CNOT1: variants seen among roughly 807,000 people sequenced by gnomAD.
CNOT1 encodes CCR4-associated factor 1.
CNOT1 carries 15 observed loss-of-function variants against 273.8 expected under a neutral mutation model. That is an observed-to-expected ratio of 0.05 (90% CI 0.04 to 0.08). The LOEUF is 0.08. CNOT1 is among the 10% of genes least tolerant of loss of function. The pLI is 1.00. For missense variants in CNOT1, 1,644 were observed against 2,912.2 expected (o/e 0.56, Z 10.02); for synonymous variants, 1,022 against 1,005.5 (o/e 1.02, Z -0.31).
chr16:58,580,510 G>A (rs1294732945), intron 12 of CNOT1, 123 bp downstream of exon 12: 1 of 1,386,832 alleles, frequency 7.2e-7, no homozygotes, highest in Non-Finnish European at 9.4e-7. Context: ...CTTAAGATAA[G>A]TAAGGTCACT....
At chr16:58,628,934 C>G (rs11862943) in intron 1 of CNOT1, among the ~76,000 whole-genome samples, 1 of 152,208 alleles carries the variant, frequency 6.6e-6, no homozygotes, top group African/African-American at 2.4e-5. Flanking sequence ...CTCTACAAGA[C>G]CTGCCGTGGA....
Position 58,546,303 on chromosome 16 carries a change from AC to A in CNOT1, c.4006+17del. ...TCCTAGCTAACAGAAGCCTTCCTTGACTAATTAGCACACTTACTTGTGGTTG... is the reference window on the plus strand; with the variant it reads ...TCCTAGCTAACAGAAGCCTTCCTTGATAATTAGCACACTTACTTGTGGTTG... On this transcript the variant is annotated intron_variant, in intron 29 of 48. Transcript: ENST00000317147. 6.2e-7 allele frequency: 1 copy of A among 1,604,232 alleles called. No homozygotes were observed. Among genetic ancestry groups the A allele is most frequent in the Non-Finnish European group, 8.5e-7 (1 of 1,172,566 alleles).
chr16:58,521,076 T>C lies in CNOT1; in HGVS notation c.7053-40A>G, dbSNP rs1366225495. The C allele has an allele frequency of 1.9e-6, 3 of 1,613,642 alleles. No homozygotes were observed. The African/African-American group carries it at 4.0e-5, about 22-fold the overall frequency. ...CAGTTACAAATCTCTGATTAAAGAG[T>C]AGGCCTAACAATACCTTGCATCTCA... On this transcript the variant is annotated intron_variant, in intron 48 of 48. Transcript: ENST00000317147.
chr16:58,555,612 A>C, intron 20 of CNOT1, 75 bp from the exon 21 acceptor site: 5 of 1,554,482 alleles, frequency 3.2e-6, no homozygotes, highest in South Asian at 1.3e-5. Context: ...TATGCTTAAC[A>C]AAAGACTATT....
intron 17 of CNOT1, among the ~76,000 whole-genome samples, chr16:58,559,223 A>C (rs779101071): frequency 6.6e-6 from 1 of 152,162 alleles, no homozygotes; most frequent in Non-Finnish European, 1.5e-5. Context: ...ATTTTGGAGC[A>C]TTTTGGATTT....
intron 3 of CNOT1, among the ~76,000 whole-genome samples, chr16:58,588,125 CCTCT>C (rs924199533): frequency 2.0e-5 from 3 of 152,018 alleles, no homozygotes; most frequent in Non-Finnish European, 4.4e-5. Context: ...ATGGTAAAAC[CCTCT>C]CTCTACTAAA....
In CNOT1 at chr16:58,538,161, C is replaced by T. The variant is rs781409507; in HGVS notation, c.5241G>A (p.Ala1747=). The T allele has an allele frequency of 2.9e-5, 45 of 1,577,408 alleles. No individual in the cohort carries two copies. Among genetic ancestry groups the T allele is most frequent in the East Asian group, 2.7e-4 (12 of 44,734 alleles). ...VNMQQYDLHL[A]QSMENGLNYM... The stretch of plus-strand genomic sequence containing the variant: ...TGCAAGTAAATTCCTTCCATACCTG[C>T]GCTAGGTGAAGATCATACTGCTGCA... The change falls in exon 37 of 49, where the codon GCG becomes GCA. Residue 1747 remains alanine, a synonymous_variant. Transcript: ENST00000317147.
intron 12 of CNOT1, among the ~76,000 whole-genome samples, 199 bp downstream of exon 12, chr16:58,580,434 C>T (rs1164762626): frequency 6.6e-6 from 1 of 152,006 alleles, no homozygotes; most frequent in African/African-American, 2.4e-5. Flanking sequence ...TAAAGACAGA[C>T]CTTACAAGAT....
At chr16:58,532,623 T>C (rs148419999) in intron 40 of CNOT1, 12 of 646,384 alleles carry the variant, frequency 1.9e-5, no homozygotes, top group Non-Finnish European at 2.6e-5. Context: ...GGACCACACC[T>C]GAATATTCTC....
chr16:58,521,252 T>C lies in CNOT1; in HGVS notation c.6983A>G (p.Glu2328Gly), dbSNP rs2039357202. 6.2e-7 allele frequency: 1 copy of C among 1,613,966 alleles called. No individual in the cohort carries two copies. Among genetic ancestry groups the C allele is most frequent in the Non-Finnish European group, 8.5e-7 (1 of 1,180,000 alleles). Residue 2328 changes from glutamate to glycine, a missense_variant, in exon 48 of 49, where the codon GAG becomes GGG. This residue lies in a region of CNOT1 where 140 missense variants were observed against 324.6 expected (regional missense o/e 0.43). Coordinates refer to ENST00000317147, the MANE Select transcript of CNOT1 (RefSeq NM_016284.5). ...HPWGLLITFI[E>G]LIKNPAFKFW... ...CTTAAACGCTGGGTTTTTAATCAGC[T>C]CAATGAAGGTAATAAGAAGACCCCA...
intron 44 of CNOT1, among the ~76,000 whole-genome samples, chr16:58,526,964 G>A (rs1199930940): frequency 6.6e-6 from 1 of 152,196 alleles, no homozygotes; most frequent in Non-Finnish European, 1.5e-5. Flanking sequence ...ACAGGAGCCT[G>A]AGGCTGAAGT....
At chr16:58,544,593 G>A (rs1052357290) in intron 30 of CNOT1, among the ~76,000 whole-genome samples, 1 of 152,150 alleles carries the variant, frequency 6.6e-6, no homozygotes, top group African/African-American at 2.4e-5. Context: ...TAGGAGTGGG[G>A]ATGGGGGGAC....
At chr16:58,579,303 A>G (rs1204745669) in intron 12 of CNOT1, among the ~76,000 whole-genome samples, 4 of 152,216 alleles carry the variant, frequency 2.6e-5, no homozygotes, top group Non-Finnish European at 4.4e-5. Flanking sequence ...GACAGAACAA[A>G]GACAGATTTA....
chr16:58,547,418 C>T lies in CNOT1; in HGVS notation c.3640-122G>A. 1 of 1,518,250 alleles carries T rather than the reference C, an allele frequency of 6.6e-7. No homozygotes were observed. The highest frequency in any genetic ancestry group is 8.9e-7 in the Non-Finnish European group (1 of 1,128,034). The allele number at this position is 1,518,250 out of a possible 1,614,324, so 94.0% of individuals were successfully genotyped here. A position where few individuals can be genotyped will look rare whatever the true frequency, so the allele number is the denominator to read the frequency against. The stretch of plus-strand genomic sequence containing the variant: ...ACAGGAATCAACATAATGTCTAGTC[C>T]TTGCCTTACAAAAAGGGGTTAACAA... On this transcript the variant is annotated intron_variant, in intron 26 of 48. Coordinates refer to ENST00000317147, the MANE Select transcript of CNOT1 (RefSeq NM_016284.5). This position sits in a 1 kb window ranked among gnomAD's most constrained non-coding sequence, Gnocchi z 4.0.
chr16:58,566,233 A>T (rs1156505884), intron 16 of CNOT1, among the ~76,000 whole-genome samples: 1 of 152,216 alleles, frequency 6.6e-6, no homozygotes, highest in Non-Finnish European at 1.5e-5. Context: ...CTTCAAACAT[A>T]TATCCATTAC....
intron 2 of CNOT1, among the ~76,000 whole-genome samples, chr16:58,597,418 T>A (rs1411533634): frequency 1.3e-5 from 2 of 151,654 alleles, no homozygotes; most frequent in African/African-American, 2.4e-5. Flanking sequence ...GAGGTTGCAG[T>A]GAGCTGAGAT....
intron 43 of CNOT1, among the ~76,000 whole-genome samples, chr16:58,530,032 G>A (rs1466533613): frequency 2.0e-5 from 3 of 152,004 alleles, no homozygotes; most frequent in Non-Finnish European, 4.4e-5. Flanking sequence ...TGGTACAAAC[G>A]CTTTGTAAAA....
chr16:58,589,467 G>C (rs1205426148), intron 2 of CNOT1, among the ~76,000 whole-genome samples: 1 of 152,116 alleles, frequency 6.6e-6, no homozygotes, highest in South Asian at 2.1e-4. Flanking sequence ...AGCTGAGATC[G>C]TGCCATTGTG....
intron 1 of CNOT1, among the ~76,000 whole-genome samples, chr16:58,600,945 C>T (rs896328267): frequency 2.0e-5 from 3 of 152,122 alleles, no homozygotes; most frequent in African/African-American, 7.2e-5. Context: ...CATCTCTATT[C>T]TGTTGTTGTT....
Sources: allele counts gnomAD v4.1 joint callset (sites outside exome capture counted in the v4.1 genomes callset), GRCh38; gene constraint gnomAD v4.1.1; regional missense constraint gnomAD v4.1.1; non-coding constraint Gnocchi (gnomAD v3.1); transcripts MANE v1.5; gene names NCBI Gene and HGNC (gene_info 2026-07-23, HGNC 2026-07-21).